Variants in MTUS2 observed in about 807,000 individuals in gnomAD.
MTUS2 encodes microtubule-associated tumor suppressor candidate 2.
A neutral mutation model predicts 114.1 loss-of-function variants in MTUS2; 40 were observed. That is an observed-to-expected ratio of 0.35 (90% CI 0.27 to 0.46). The LOEUF is 0.46. Ranked by LOEUF, MTUS2 falls within the 20% of genes least tolerant of loss-of-function variation. The pLI, the probability that MTUS2 is intolerant of heterozygous loss-of-function variation, is 1.00. For synonymous variants in MTUS2, 688 were observed against 672.0 expected (o/e 1.02, Z -0.37); for missense variants, 1,679 against 1,705.4 (o/e 0.98, Z 0.27).
At chr13:29,373,305 C>G (rs1043263849) in intron 8 of MTUS2, among the ~76,000 whole-genome samples, 3 of 152,136 alleles carry the variant, frequency 2.0e-5, no homozygotes, top group African/African-American at 7.2e-5. Flanking sequence ...GCTGTGGTCC[C>G]TGTTTTTATT....
At chr13:28,843,696 T>C (rs1875663502) in intron 2 of MTUS2, among the ~76,000 whole-genome samples, 1 of 152,180 alleles carries the variant, frequency 6.6e-6, no homozygotes, top group African/African-American at 2.4e-5. Context: ...CCTGCACCAA[T>C]CTCTTGTATG....
chr13:29,417,994 G>T (rs1156955124), intron 8 of MTUS2, among the ~76,000 whole-genome samples: 1 of 152,084 alleles, frequency 6.6e-6, no homozygotes, highest in Non-Finnish European at 1.5e-5. Context: ...CTGGAACAAG[G>T]GATTTGTATC....
intron 2 of MTUS2, among the ~76,000 whole-genome samples, chr13:28,994,078 T>C (rs955417034): frequency 6.6e-6 from 1 of 151,906 alleles, no homozygotes; most frequent in Non-Finnish European, 1.5e-5. Context: ...CAGTCGCCGG[T>C]GTGTGATGTT....
chr13:29,301,530 G>A (rs556469100), intron 6 of MTUS2, among the ~76,000 whole-genome samples: 17 of 152,350 alleles, frequency 1.1e-4, no homozygotes, highest in East Asian at 3.9e-4. Flanking sequence ...ATAATCTACA[G>A]TGTGAATTGT....
At chr13:29,250,922 AC>A (rs1200031166) in intron 5 of MTUS2, among the ~76,000 whole-genome samples, 1 of 152,176 alleles carries the variant, frequency 6.6e-6, no homozygotes, top group Non-Finnish European at 1.5e-5. Flanking sequence ...GTCTATATTG[AC>A]CAAAGTTTTA....
intron 6 of MTUS2, among the ~76,000 whole-genome samples, chr13:29,314,642 A>G (rs1022482870): frequency 1.3e-5 from 2 of 152,226 alleles, no homozygotes; most frequent in African/African-American, 2.4e-5. Context: ...GAATAGAGAA[A>G]ACAGCTTAAA....
intron 2 of MTUS2, among the ~76,000 whole-genome samples, chr13:28,881,917 G>A (rs888769202): frequency 1.3e-5 from 2 of 152,180 alleles, no homozygotes; most frequent in Non-Finnish European, 2.9e-5. Context: ...CATATTTATG[G>A]CCAATTGGTT....
chr13:28,956,859 A>G (rs1883093459), intron 2 of MTUS2, among the ~76,000 whole-genome samples: 1 of 151,162 alleles, frequency 6.6e-6, no homozygotes, highest in Non-Finnish European at 1.5e-5. Context: ...TGCCCTAGAG[A>G]TGGGTGAGCT....
rs538793829 is a variant in MTUS2, at chr13:29,176,567, A to G, written c.2644+75597A>G. On this transcript the variant is annotated intron_variant, in intron 5 of 15. Coordinates refer to ENST00000612955, the MANE Select transcript of MTUS2 (RefSeq NM_001033602.4). ...AGTTCTAAAGGCTGGGAAGTCCAAG[A>G]TCAAAGGCCCACTCTCTGCTTCATG... Among the ~76,000 whole-genome samples the G allele has an allele frequency of 2.6e-5, 4 of 152,296 alleles. No individual in the cohort carries two copies. In the East Asian group the frequency reaches 7.7e-4, roughly 29 times the overall value.
chr13:28,895,640 T>C (rs1251446259), intron 2 of MTUS2, among the ~76,000 whole-genome samples: 1 of 152,196 alleles, frequency 6.6e-6, no homozygotes, highest in Non-Finnish European at 1.5e-5. Flanking sequence ...TCCATGAAGA[T>C]GAGTATTAAG....
intron 4 of MTUS2, among the ~76,000 whole-genome samples, chr13:29,094,154 A>C (rs2138790812): frequency 6.6e-6 from 1 of 152,188 alleles, no homozygotes; most frequent in Admixed American, 6.5e-5. Flanking sequence ...ATTGATTTAT[A>C]GTTTTCTTGA....
At chr13:29,389,553 A>G (rs1159708024) in intron 8 of MTUS2, among the ~76,000 whole-genome samples, 4 of 81,180 alleles carry the variant, frequency 4.9e-5, no homozygotes, top group Non-Finnish European at 1.0e-4. Context: ...ATATGTATAC[A>G]CGTGTGTATA....
chr13:29,176,520 G>A (rs1023281059), intron 5 of MTUS2, among the ~76,000 whole-genome samples: 1 of 152,110 alleles, frequency 6.6e-6, no homozygotes, highest in East Asian at 1.9e-4. Context: ...TAATTTGTAA[G>A]CAACAGAAAT....
chr13:29,306,812 G>A, intron 6 of MTUS2: 2 of 422,156 alleles, frequency 4.7e-6, no homozygotes, highest in South Asian at 1.8e-5. Context: ...GACAGATTTG[G>A]TCATGTTAGG....
chr13:29,232,316 A>ACG (rs796271658), intron 5 of MTUS2, among the ~76,000 whole-genome samples: 2,671 of 20,626 alleles, frequency 0.13, 77 homozygotes, highest in African/African-American at 0.23. Context: ...GCACACACAC[A>ACG]CACACACGCA....
intron 5 of MTUS2, among the ~76,000 whole-genome samples, chr13:29,219,967 C>T (rs1365366581): frequency 6.7e-6 from 1 of 149,714 alleles, no homozygotes; most frequent in Non-Finnish European, 1.5e-5. Context: ...GTTTTACTTT[C>T]TTATCATTCA....
chr13:28,921,428 C>A (rs1451746714), intron 2 of MTUS2, among the ~76,000 whole-genome samples: 1 of 152,158 alleles, frequency 6.6e-6, no homozygotes, highest in Non-Finnish European at 1.5e-5. Context: ...TTGCTCTTCA[C>A]TTTCCTCTTT....
At chr13:29,331,604 G>A (rs1900783469) in intron 7 of MTUS2, among the ~76,000 whole-genome samples, 1 of 152,178 alleles carries the variant, frequency 6.6e-6, no homozygotes, top group East Asian at 1.9e-4. Flanking sequence ...TGTTGAATAG[G>A]AGTGGTGAGA....
At chr13:29,393,420 T>C (rs1027598027) in intron 8 of MTUS2, among the ~76,000 whole-genome samples, 51 of 152,324 alleles carry the variant, frequency 3.3e-4, no homozygotes, top group African/African-American at 1.2e-3. Flanking sequence ...TCTCCCAAAA[T>C]GGACCTGCAG....
Sources: allele counts gnomAD v4.1 joint callset (sites outside exome capture counted in the v4.1 genomes callset), GRCh38; gene constraint gnomAD v4.1.1; transcripts MANE v1.5; gene names NCBI Gene and HGNC (gene_info 2026-07-23, HGNC 2026-07-21).